Variants in PRKG1 observed in about 807,000 individuals in gnomAD.
PRKG1 encodes cGMP-dependent protein kinase 1.
In PRKG1, 35 loss-of-function variants were observed where a neutral mutation model predicts 88.1. That is an observed-to-expected ratio of 0.40 (90% CI 0.30 to 0.53). The LOEUF (loss-of-function observed/expected upper bound fraction) is 0.53, where lower values mean the gene tolerates loss of function less well. Ranked by LOEUF, PRKG1 falls within the 20% of genes least tolerant of loss-of-function variation. The pLI is 0.59. For synonymous variants in PRKG1, 303 were observed against 292.5 expected (o/e 1.04, Z -0.37); for missense variants, 540 against 839.8 (o/e 0.64, Z 4.41).
chr10:51,814,437 A>AT (rs72153941), intron 4 of PRKG1, among the ~76,000 whole-genome samples: 10 of 151,510 alleles, frequency 6.6e-5, no homozygotes, highest in Non-Finnish European at 1.2e-4. Context: ...TTAGAACTTA[A>AT]TTTTTTTTTG....
intron 3 of PRKG1, among the ~76,000 whole-genome samples, chr10:51,761,714 A>G (rs1417002805): frequency 1.3e-5 from 2 of 152,204 alleles, no homozygotes; most frequent in East Asian, 1.9e-4. Context: ...CTTACTATGT[A>G]CATCCCTAAA....
At chr10:51,210,227 A>G (rs2132071409) in intron 2 of PRKG1, among the ~76,000 whole-genome samples, 1 of 152,320 alleles carries the variant, frequency 6.6e-6, no homozygotes, top group African/African-American at 2.4e-5. Flanking sequence ...CGGGTACATA[A>G]CGAAATGAAG....
intron 8 of PRKG1, among the ~76,000 whole-genome samples, chr10:52,150,267 A>G (rs373063775): frequency 6.6e-6 from 1 of 151,916 alleles, no homozygotes; most frequent in Admixed American, 6.6e-5. Flanking sequence ...TATTAACTAG[A>G]TCACCTCAGA....
At chr10:51,161,361 A>G (rs1384746266) in intron 2 of PRKG1, among the ~76,000 whole-genome samples, 1 of 152,178 alleles carries the variant, frequency 6.6e-6, no homozygotes, top group African/African-American at 2.4e-5. Flanking sequence ...AAAGTGACAT[A>G]TTTTGAAGGG....
intron 2 of PRKG1, among the ~76,000 whole-genome samples, chr10:51,156,836 G>A (rs139185298): frequency 2.8e-4 from 43 of 151,894 alleles, no homozygotes; most frequent in African/African-American, 1.0e-3. Flanking sequence ...TGCTATAGAT[G>A]GATTCTTTGT....
At chr10:52,077,093 A>C (rs949476940) in intron 7 of PRKG1, among the ~76,000 whole-genome samples, 1 of 152,180 alleles carries the variant, frequency 6.6e-6, no homozygotes, top group African/African-American at 2.4e-5. Context: ...ACATGCATAC[A>C]AAGACTTGTA....
At chr10:52,282,343 A>C in intron 14 of PRKG1, 27 bp downstream of exon 14, 2 of 1,559,734 alleles carry the variant, frequency 1.3e-6, no homozygotes, top group South Asian at 2.4e-5. Context: ...GGAACTGCTG[A>C]TAAAAATAGA....
At chr10:51,543,303 A>C (rs1395444818) in intron 3 of PRKG1, among the ~76,000 whole-genome samples, 3 of 152,242 alleles carry the variant, frequency 2.0e-5, no homozygotes, top group Non-Finnish European at 4.4e-5. Flanking sequence ...TAAATTCAAT[A>C]AATGAAACCT....
chr10:51,772,824 G>A (rs1331887062), intron 3 of PRKG1, among the ~76,000 whole-genome samples: 1 of 151,984 alleles, frequency 6.6e-6, no homozygotes, highest in Non-Finnish European at 1.5e-5. Flanking sequence ...AATTAAATAG[G>A]CAAAATGGAG....
intron 3 of PRKG1, among the ~76,000 whole-genome samples, chr10:51,617,968 A>T (rs1839105647): frequency 6.6e-6 from 1 of 152,222 alleles, no homozygotes. Flanking sequence ...AAGGATAATC[A>T]TTCTGGATGT....
At chr10:52,112,324 G>T (rs1259409095) in intron 7 of PRKG1, among the ~76,000 whole-genome samples, 1 of 151,820 alleles carries the variant, frequency 6.6e-6, no homozygotes, top group Non-Finnish European at 1.5e-5. Context: ...TAAACTTCTG[G>T]AGCTTCAGTT....
chr10:51,231,936 T>C (rs1419312231), intron 2 of PRKG1, among the ~76,000 whole-genome samples: 1 of 152,214 alleles, frequency 6.6e-6, no homozygotes, highest in African/African-American at 2.4e-5. Context: ...GTCTTTTTGG[T>C]GAGGTCATTG....
chr10:51,035,074 C>T (rs145365489), intron 1 of PRKG1, among the ~76,000 whole-genome samples: 2 of 152,020 alleles, frequency 1.3e-5, no homozygotes, highest in Non-Finnish European at 2.9e-5. Flanking sequence ...TGGTAACGGT[C>T]GTAAAAGGGA....
chr10:52,200,656 C>T (rs1169407489), intron 9 of PRKG1, among the ~76,000 whole-genome samples: 3 of 152,210 alleles, frequency 2.0e-5, no homozygotes, highest in Non-Finnish European at 4.4e-5. Context: ...AATGGCTTAA[C>T]TAATTAACAT....
intron 3 of PRKG1, among the ~76,000 whole-genome samples, chr10:51,501,500 T>TAG (rs1841022366): frequency 6.6e-6 from 1 of 152,118 alleles, no homozygotes; most frequent in Non-Finnish European, 1.5e-5. Context: ...ATGTGTCTTG[T>TAG]CTAATGGGAG....
intron 9 of PRKG1, among the ~76,000 whole-genome samples, chr10:52,170,737 GA>G (rs1456942592): frequency 6.6e-6 from 1 of 152,156 alleles, no homozygotes; most frequent in Non-Finnish European, 1.5e-5. Flanking sequence ...AAGACTGTCT[GA>G]TATTTTCAGG....
intron 1 of PRKG1, among the ~76,000 whole-genome samples, chr10:51,123,980 C>A (rs1845333511): frequency 6.6e-6 from 1 of 152,102 alleles, no homozygotes; most frequent in African/African-American, 2.4e-5. Context: ...GAGAATGGTG[C>A]TACAGCATTC....
chr10:51,166,408 A>G lies in PRKG1; in HGVS notation c.478+13078A>G, dbSNP rs542826024. Reference sequence around the variant, plus strand: ...GGTAACGGTGGGTTGGTGGTATAGCATGTAAAGAATGTTATCAATGATTAA... The same window carrying G: ...GGTAACGGTGGGTTGGTGGTATAGCGTGTAAAGAATGTTATCAATGATTAA... On this transcript the variant is annotated intron_variant, in intron 2 of 17. Coordinates refer to ENST00000373980, the MANE Select transcript of PRKG1 (RefSeq NM_006258.4). Among the ~76,000 whole-genome samples the G allele has an allele frequency of 3.3e-5, 5 of 152,300 alleles. No individual in the cohort carries two copies. The South Asian group carries it at 8.3e-4, about 25-fold the overall frequency.
At chr10:52,076,722 C>T (rs1036931728) in intron 7 of PRKG1, among the ~76,000 whole-genome samples, 12 of 152,080 alleles carry the variant, frequency 7.9e-5, no homozygotes, top group Non-Finnish European at 1.5e-4. Context: ...ACAGAGCTCT[C>T]AAATCTCAAT....
Sources: gnomAD v4.1 joint callset for allele counts (sites outside exome capture counted in the v4.1 genomes callset) on GRCh38, gnomAD v4.1.1 for gene constraint, MANE v1.5 for transcripts, NCBI Gene and HGNC (gene_info 2026-07-23, HGNC 2026-07-21) for gene names.